IL1RAP: variants seen among roughly 807,000 people sequenced by gnomAD.
IL1RAP encodes interleukin 1 receptor accessory protein, also known as interleukin-1 receptor accessory protein.
IL1RAP carries 35 observed loss-of-function variants against 60.7 expected under a neutral mutation model. The ratio of observed to expected loss-of-function variants is 0.58; its 90% CI spans 0.44 to 0.76. The LOEUF (loss-of-function observed/expected upper bound fraction) is 0.76. Ranked by LOEUF, IL1RAP falls within the 30% of genes least tolerant of loss-of-function variation. IL1RAP has a pLI of 0.00. For missense variants in IL1RAP, 572 were observed against 693.9 expected, an observed-to-expected ratio of 0.82 and a Z score of 1.97; for synonymous variants, 268 against 250.9, an observed-to-expected ratio of 1.07 and a Z score of -0.64.
chr3:190,555,249 C>A (rs1041899852), intron 1 of IL1RAP, among the ~76,000 whole-genome samples: 37 of 152,034 alleles, frequency 2.4e-4, no homozygotes, highest in Non-Finnish European at 1.0e-4. Context: ...TAATTCCCTA[C>A]TTGAACTTCA....
chr3:190,571,664 A>G (rs1726937159), intron 3 of IL1RAP, among the ~76,000 whole-genome samples: 1 of 152,214 alleles, frequency 6.6e-6, no homozygotes, highest in South Asian at 2.1e-4. Context: ...GCTAATTAAC[A>G]TATGTATTAC....
At chr3:190,528,492 G>A (rs1314752767) in intron 1 of IL1RAP, among the ~76,000 whole-genome samples, 2 of 152,144 alleles carry the variant, frequency 1.3e-5, no homozygotes, top group Non-Finnish European at 2.9e-5. Context: ...GTAACACTGG[G>A]TTTCAGTTGC....
At chr3:190,515,037 C>A (rs1721389042) in intron 1 of IL1RAP, among the ~76,000 whole-genome samples, 1 of 152,182 alleles carries the variant, frequency 6.6e-6, no homozygotes, top group African/African-American at 2.4e-5. Flanking sequence ...CTTCCCTCCA[C>A]CTTCTGGTTG....
intron 3 of IL1RAP, among the ~76,000 whole-genome samples, chr3:190,574,303 T>C (rs1237767263): frequency 2.0e-5 from 3 of 152,152 alleles, no homozygotes; most frequent in East Asian, 3.8e-4. Context: ...TTAGATAATA[T>C]ACATCTTTCC....
At chr3:190,642,728 C>T (rs574855909) in intron 9 of IL1RAP, among the ~76,000 whole-genome samples, 5 of 152,270 alleles carry the variant, frequency 3.3e-5, no homozygotes, top group East Asian at 1.9e-4. Flanking sequence ...TATTTCTTTA[C>T]ATATTTACTG....
At chr3:190,532,484 G>A (rs148448107) in intron 1 of IL1RAP, among the ~76,000 whole-genome samples, 5,022 of 152,020 alleles carry the variant, frequency 0.033, 250 homozygotes, top group African/African-American at 0.11. Context: ...GGATGTTCTC[G>A]ATCTCCTGAC....
intron 11 of IL1RAP, among the ~76,000 whole-genome samples, chr3:190,648,068 C>T (rs1734162988): frequency 6.6e-6 from 1 of 152,120 alleles, no homozygotes; most frequent in African/African-American, 2.4e-5. Flanking sequence ...AGATCAAGGT[C>T]ACAACACTAT....
chr3:190,564,208 C>A, intron 2 of IL1RAP, 81 bp from the exon 3 acceptor site: 1 of 870,140 alleles, frequency 1.1e-6, no homozygotes, highest in Non-Finnish European at 2.0e-6. Context: ...CTATAGTCAG[C>A]AGGCATGAAT....
chr3:190,621,090 T>C (rs1216590641), intron 6 of IL1RAP, among the ~76,000 whole-genome samples: 5 of 152,188 alleles, frequency 3.3e-5, no homozygotes, highest in Non-Finnish European at 7.4e-5. Flanking sequence ...ATATATGGCT[T>C]TTGGGGATTA....
At chr3:190,605,014 C>G (rs560713176) in intron 4 of IL1RAP, among the ~76,000 whole-genome samples, 2 of 152,300 alleles carry the variant, frequency 1.3e-5, no homozygotes, top group East Asian at 3.9e-4. Flanking sequence ...TGGGAGTCCT[C>G]TCTCCCATTT....
intron 8 of IL1RAP, among the ~76,000 whole-genome samples, chr3:190,628,119 C>T (rs887527089): frequency 3.3e-5 from 5 of 151,904 alleles, no homozygotes; most frequent in Admixed American, 6.6e-5. Flanking sequence ...CCTAAATAAA[C>T]CTGATTTTTT....
intron 1 of IL1RAP, among the ~76,000 whole-genome samples, chr3:190,553,359 A>G (rs1002007174): frequency 6.6e-6 from 1 of 152,232 alleles, no homozygotes; most frequent in South Asian, 2.1e-4. Flanking sequence ...TTCTAAAAGG[A>G]AAACACAAAC....
intron 3 of IL1RAP, among the ~76,000 whole-genome samples, chr3:190,566,182 A>G (rs1201050081): frequency 6.6e-6 from 1 of 152,136 alleles, no homozygotes; most frequent in African/African-American, 2.4e-5. Context: ...TCAGAATAAT[A>G]CTGACACATA....
chr3:190,530,424 C>T (rs149001086), intron 1 of IL1RAP, among the ~76,000 whole-genome samples: 106 of 152,236 alleles, frequency 7.0e-4, no homozygotes, highest in African/African-American at 2.5e-3. Context: ...AATTTGCATT[C>T]CCAGAACTTT....
rs532592231 is a variant in IL1RAP at position 190,535,781 on chromosome 3, G to A, written c.-88-20349G>A. Among the ~76,000 whole-genome samples the A allele has an allele frequency of 3.3e-5, 5 of 152,228 alleles. No homozygotes were observed. The South Asian group carries it at 6.2e-4, about 19-fold the overall frequency. ...AGATTATTTCCAAAAACCCACTGAC[G>A]TTGGATCAATCATGCTACCTTTGTC... On this transcript the variant is annotated intron_variant, in intron 1 of 11. Coordinates refer to ENST00000447382, the MANE Select transcript of IL1RAP (RefSeq NM_002182.4).
At chr3:190,556,898 A>C (rs530627643) in intron 2 of IL1RAP, among the ~76,000 whole-genome samples, 110 of 152,214 alleles carry the variant, frequency 7.2e-4, no homozygotes, top group Non-Finnish European at 1.4e-3. Context: ...GGATGGTGCT[A>C]AGCACTTTAC....
At chr3:190,572,383 G>T (rs1727000692) in intron 3 of IL1RAP, among the ~76,000 whole-genome samples, 1 of 151,816 alleles carries the variant, frequency 6.6e-6, no homozygotes, top group Non-Finnish European at 1.5e-5. Context: ...TCCACTCAAG[G>T]TAAAGGCAAA....
At chr3:190,617,303 C>T (rs1449427987) in intron 5 of IL1RAP, among the ~76,000 whole-genome samples, 1 of 152,130 alleles carries the variant, frequency 6.6e-6, no homozygotes, top group Non-Finnish European at 1.5e-5. Flanking sequence ...TGAATGGAAA[C>T]ACTTGTTCTT....
At chr3:190,532,750 G>A (rs187249279) in intron 1 of IL1RAP, among the ~76,000 whole-genome samples, 221 of 152,154 alleles carry the variant, frequency 1.5e-3, no homozygotes, top group Non-Finnish European at 2.3e-3. Context: ...TTGCTTGCAC[G>A]TACAGCTGAA....
Sources: gnomAD v4.1 joint callset for allele counts (sites outside exome capture counted in the v4.1 genomes callset) on GRCh38, gnomAD v4.1.1 for gene constraint, MANE v1.5 for transcripts, NCBI Gene and HGNC (gene_info 2026-07-23, HGNC 2026-07-21) for gene names.